Variants in PNLIPRP3 observed in about 807,000 individuals in gnomAD.
PNLIPRP3 encodes the protein pancreatic lipase-related protein 3.
Under a neutral mutation model 52.8 loss-of-function variants are expected in PNLIPRP3, and 58 were observed. The ratio of observed to expected loss-of-function variants is 1.10; its 90% CI spans 0.89 to 1.37. The LOEUF (loss-of-function observed/expected upper bound fraction) is 1.37. PNLIPRP3 is among the 40% of genes most tolerant of loss of function. The pLI, the probability that PNLIPRP3 is intolerant of heterozygous loss-of-function variation, is 0.00. For missense variants in PNLIPRP3, 593 were observed against 561.6 expected, an observed-to-expected ratio of 1.06 and a Z score of -0.57; for synonymous variants, 192 against 185.0, an observed-to-expected ratio of 1.04 and a Z score of -0.31.
intron 10 of PNLIPRP3, among the ~76,000 whole-genome samples, chr10:116,473,439 A>G (rs1215325379): frequency 6.6e-6 from 1 of 152,244 alleles, no homozygotes; most frequent in African/African-American, 2.4e-5. Flanking sequence ...ATTTAATACT[A>G]TACAAATGTA....
chr10:116,437,187 T>C (rs1302726191), intron 2 of PNLIPRP3, among the ~76,000 whole-genome samples: 6 of 152,200 alleles, frequency 3.9e-5, no homozygotes, highest in Admixed American at 6.5e-5. Flanking sequence ...GTCTATTGAA[T>C]TGAATAAACA....
At chr10:116,454,851 G>T (rs1465903646) in intron 4 of PNLIPRP3, among the ~76,000 whole-genome samples, 1 of 152,198 alleles carries the variant, frequency 6.6e-6, no homozygotes, top group Non-Finnish European at 1.5e-5. Context: ...AAATGGAAGT[G>T]CAAATATCTC....
chr10:116,466,949 G>A (rs1414098495), intron 8 of PNLIPRP3, among the ~76,000 whole-genome samples: 1 of 152,208 alleles, frequency 6.6e-6, no homozygotes, highest in Admixed American at 6.5e-5. Flanking sequence ...TGGAAAGCTT[G>A]ACAGCCAAAC....
chr10:116,467,986 G>C (rs574347005), intron 8 of PNLIPRP3, among the ~76,000 whole-genome samples: 1 of 151,790 alleles, frequency 6.6e-6, no homozygotes, highest in African/African-American at 2.4e-5. Flanking sequence ...TTAGCCGGGC[G>C]TGGTGGCGGG....
At chr10:116,472,919 C>T (rs749649727) in intron 10 of PNLIPRP3, among the ~76,000 whole-genome samples, 6 of 152,228 alleles carry the variant, frequency 3.9e-5, no homozygotes, top group Non-Finnish European at 7.3e-5. Context: ...GTTTCTACCT[C>T]TTCTTCATGG....
At chr10:116,463,170 C>T (rs928245354) in intron 7 of PNLIPRP3, among the ~76,000 whole-genome samples, 2 of 151,602 alleles carry the variant, frequency 1.3e-5, no homozygotes, top group African/African-American at 4.9e-5. Flanking sequence ...ACTATTCTGT[C>T]TCAGTTCTCT....
At chr10:116,454,259 C>T (rs1846080740) in intron 4 of PNLIPRP3, among the ~76,000 whole-genome samples, 1 of 152,046 alleles carries the variant, frequency 6.6e-6, no homozygotes, top group African/African-American at 2.4e-5. Flanking sequence ...GCTGGGATTA[C>T]AGGCACACAC....
At chr10:116,456,492 T>A (rs374768738) in intron 5 of PNLIPRP3, among the ~76,000 whole-genome samples, 37 of 152,298 alleles carry the variant, frequency 2.4e-4, no homozygotes, top group African/African-American at 7.2e-4. Flanking sequence ...AAGTTATTTT[T>A]AAAAAGAATG....
rs146748028 is a variant in PNLIPRP3, at chr10:116,474,107, C to T, written c.1172+2228C>T. ...TACAAAAACAGACACATAGACCCAACGGAATAGAGAATAGAGAATCCAGAA... is the reference window on the plus strand; with the variant it reads ...TACAAAAACAGACACATAGACCCAATGGAATAGAGAATAGAGAATCCAGAA... On this transcript the variant is annotated intron_variant, in intron 10 of 11. Transcript: ENST00000369230. Among the ~76,000 whole-genome samples the T allele has an allele frequency of 4.4e-4, 67 of 152,050 alleles. No individual in the cohort carries two copies. In the East Asian group the frequency reaches 0.01, roughly 24 times the overall value.
rs1846376491 is a variant in PNLIPRP3 at position 116,471,824 on chromosome 10, GTCTT to G, written c.1122_1125del (p.Leu375ValfsTer2). The G allele has an allele frequency of 6.2e-7, 1 of 1,611,834 alleles. No homozygotes were observed. Among genetic ancestry groups the G allele is most frequent in the African/African-American group, 1.3e-5 (1 of 74,748 alleles). On this transcript the variant is annotated frameshift_variant, in exon 10 of 12. Transcript: ENST00000369230. LOFTEE classifies it high-confidence loss of function. ...TGGAAGCGAAGTCACTCAAGGAACT[GTCTT>G]TCTTCGTGTAGGCGGGGCAGTTAGG...
At chr10:116,475,036 G>A (rs1252589980) in intron 10 of PNLIPRP3, among the ~76,000 whole-genome samples, 4 of 152,186 alleles carry the variant, frequency 2.6e-5, no homozygotes, top group Admixed American at 2.6e-4. Flanking sequence ...ATCAACCCAT[G>A]TGCCCATCAA....
chr10:116,433,101 T>C (rs111588466), intron 1 of PNLIPRP3, among the ~76,000 whole-genome samples: 10,833 of 39,982 alleles, frequency 0.27, 620 homozygotes, highest in Admixed American at 0.4. Context: ...GCAACAAGAG[T>C]AAAACTCCAT....
chr10:116,438,205 T>C (rs1173705870), intron 2 of PNLIPRP3, among the ~76,000 whole-genome samples: 1 of 152,066 alleles, frequency 6.6e-6, no homozygotes, highest in African/African-American at 2.4e-5. Flanking sequence ...GATTCAAAAG[T>C]CTTCTGGCTG....
At chr10:116,460,788 T>C (rs958722737) in intron 5 of PNLIPRP3, among the ~76,000 whole-genome samples, 178 bp from the exon 6 acceptor site, 3 of 151,904 alleles carry the variant, frequency 2.0e-5, no homozygotes, top group Non-Finnish European at 4.4e-5. Flanking sequence ...TATCTGTAGA[T>C]ACTTGACATT....
intron 1 of PNLIPRP3, among the ~76,000 whole-genome samples, chr10:116,433,009 G>A (rs2133108873): frequency 6.7e-6 from 1 of 149,852 alleles, no homozygotes; most frequent in Non-Finnish European, 1.5e-5. Context: ...AGCTACGCGG[G>A]AGGCTGAAGC....
chr10:116,444,537 A>T, intron 4 of PNLIPRP3, 24 bp downstream of exon 4: 1 of 1,594,310 alleles, frequency 6.3e-7, no homozygotes, highest in South Asian at 1.1e-5. Context: ...ATTTTTTTTT[A>T]ATTATATTGA....
At chr10:116,433,004 C>T (rs898273134) in intron 1 of PNLIPRP3, among the ~76,000 whole-genome samples, 1 of 148,738 alleles carries the variant, frequency 6.7e-6, no homozygotes, top group Non-Finnish European at 1.5e-5. Context: ...ATCCCAGCTA[C>T]GCGGGAGGCT....
At chr10:116,456,950 G>C (rs2133138146) in intron 5 of PNLIPRP3, among the ~76,000 whole-genome samples, 1 of 152,316 alleles carries the variant, frequency 6.6e-6, no homozygotes, top group East Asian at 1.9e-4. Flanking sequence ...TATCTTTCCA[G>C]GTGCAGGCCA....
rs751227839 is a variant in PNLIPRP3, at chr10:116,455,781, C to G, written c.516C>G (p.His172Gln). ...TGATTGGCCACAGCTTGGGAGCACA[C>G]CTGGCTGGGGAAGCTGGGTCAAGGA... ...VHLIGHSLGAHLAGEAGSRIP... is the reference protein window; with the variant it reads ...VHLIGHSLGAQLAGEAGSRIP... Residue 172 changes from histidine (H) to glutamine (Q), a missense_variant, in exon 5 of 12, where the codon CAC becomes CAG. By Grantham distance (24) the His-to-Gln change is conservative. Transcript: ENST00000369230. The G allele has an allele frequency of 6.4e-5, 103 of 1,613,672 alleles. No homozygotes were observed. Among genetic ancestry groups the G allele is most frequent in the Non-Finnish European group, 8.3e-5 (98 of 1,179,854 alleles).
Sources: gnomAD v4.1 joint callset for allele counts (sites outside exome capture counted in the v4.1 genomes callset) on GRCh38, gnomAD v4.1.1 for gene constraint, MANE v1.5 for transcripts, NCBI Gene and HGNC (gene_info 2026-07-23, HGNC 2026-07-21) for gene names.